ARHGAP8: variants seen among roughly 807,000 people sequenced by gnomAD.
ARHGAP8 encodes the protein rho GTPase-activating protein 8.
Under a neutral mutation model 46.1 loss-of-function variants are expected in ARHGAP8, and 62 were observed. That is an observed-to-expected ratio of 1.34 (90% CI 1.10 to 1.66). The LOEUF (loss-of-function observed/expected upper bound fraction) is 1.66, where lower values mean the gene tolerates loss of function less well. Among genes scored for constraint, ARHGAP8 ranks in the 40% most tolerant of loss-of-function variants. The pLI is 0.00. For missense variants in ARHGAP8, 923 were observed against 568.4 expected, an observed-to-expected ratio of 1.62 and a Z score of -6.34; for synonymous variants, 375 against 243.1, an observed-to-expected ratio of 1.54 and a Z score of -5.05.
In ARHGAP8 at chr22:44,830,024, C is replaced by T. The variant is rs201390859; in HGVS notation, c.596+4431C>T. Among the ~76,000 whole-genome samples the T allele has an allele frequency of 2.5e-4, 36 of 142,584 alleles. No homozygotes were observed. The South Asian group carries it at 2.9e-3, about 12-fold the overall frequency. 93.5% of individuals were successfully genotyped at this position (142,584 alleles called of 152,430 possible). A position where few individuals can be genotyped will look rare whatever the true frequency, so the allele number is the denominator to read the frequency against. On this transcript the variant is annotated intron_variant, in intron 7 of 11. Transcript: ENST00000356099. Reference sequence around the variant, plus strand: ...GCATTTTCTTTTTTTTCCTCTCTCTCTTTTTTTTTTTTTCCCTGAGATGGC... The same window carrying T: ...GCATTTTCTTTTTTTTCCTCTCTCTTTTTTTTTTTTTTTCCCTGAGATGGC...
rs2070532600 is a variant in ARHGAP8, at chr22:44,862,301, A to G, written c.1008A>G (p.Lys336=). 1 of 1,599,154 alleles carries G rather than the reference A, an allele frequency of 6.3e-7. No individual in the cohort carries two copies. The highest frequency in any genetic ancestry group is 8.6e-7 in the Non-Finnish European group (1 of 1,168,182). ...HAVSRESIFN[K]MNSSNLACVF... The stretch of plus-strand genomic sequence containing the variant: ...TGTCCCGGGAGAGCATCTTCAACAA[A>G]ATGAACAGCTCTAACCTGGCCTGTG... The change falls in exon 12 of 12, where the codon AAA becomes AAG. Residue 336 remains lysine (K), a synonymous_variant. Coordinates refer to ENST00000356099, the MANE Select transcript of ARHGAP8 (RefSeq NM_181335.3).
chr22:44,799,387 G>A (rs1261728384), intron 2 of ARHGAP8, among the ~76,000 whole-genome samples: 15 of 152,210 alleles, frequency 9.9e-5, no homozygotes, highest in Admixed American at 5.9e-4. Context: ...AGGGCATTGC[G>A]GATGCGGGGG....
chr22:44,785,132 G>A (rs1927124296), intron 1 of ARHGAP8, among the ~76,000 whole-genome samples: 1 of 152,180 alleles, frequency 6.6e-6, no homozygotes, highest in East Asian at 1.9e-4. Flanking sequence ...TGGGGTGTTG[G>A]TCTGGATGAG....
chr22:44,795,315 C>A (rs947444469), intron 2 of ARHGAP8, among the ~76,000 whole-genome samples: 2 of 152,148 alleles, frequency 1.3e-5, no homozygotes, highest in African/African-American at 4.8e-5. Context: ...ATGTGCCGTA[C>A]TCTGCCCTGG....
intron 2 of ARHGAP8, among the ~76,000 whole-genome samples, chr22:44,801,253 C>T (rs1419244096): frequency 8.5e-6 from 1 of 118,294 alleles, no homozygotes; most frequent in East Asian, 2.6e-4. Context: ...CGCCTCTCCC[C>T]GCAGCTGTCT....
intron 5 of ARHGAP8, among the ~76,000 whole-genome samples, chr22:44,821,327 G>T (rs543070880): frequency 6.6e-6 from 1 of 152,144 alleles, no homozygotes; most frequent in Non-Finnish European, 1.5e-5. Context: ...TACTTGGGAG[G>T]CTGAGGCAGG....
In ARHGAP8 at chr22:44,862,566, C is replaced by T. The variant is rs749869418; in HGVS notation, c.1273C>T (p.Pro425Ser). 6.3e-7 allele frequency: 1 copy of T among 1,592,274 alleles called. No homozygotes were observed. Among genetic ancestry groups the T allele is most frequent in the Non-Finnish European group, 8.6e-7 (1 of 1,164,232 alleles). Reference sequence around the variant, plus strand: ...CACCAAGCCTACCCTACCTCCGAGTCCCCTGATGGCAGCCAGAAGACGTCT... The same window carrying T: ...CACCAAGCCTACCCTACCTCCGAGTTCCCTGATGGCAGCCAGAAGACGTCT... ...GLTKPTLPPS[P>S]LMAARRRL Residue 425 changes from proline (P) to serine (S), a missense_variant, in exon 12 of 12, where the codon CCC becomes TCC. Pro to Ser is a moderately conservative substitution (Grantham distance 74). Coordinates refer to ENST00000356099, the MANE Select transcript of ARHGAP8 (RefSeq NM_181335.3).
At position 44,860,807 on chromosome 22, in the gene ARHGAP8, C is replaced by T. The variant is rs114186716; in HGVS notation, c.981+973C>T. Among the ~76,000 whole-genome samples the T allele has an allele frequency of 1.1e-3, 162 of 152,278 alleles. 2 individuals carry two copies. The highest frequency in any genetic ancestry group is 3.9e-3 in the African/African-American group (160 of 41,552). On this transcript the variant is annotated intron_variant, in intron 11 of 11. Coordinates refer to ENST00000356099, the MANE Select transcript of ARHGAP8 (RefSeq NM_181335.3). ...GTGGGTCCACCCCCAACCCCCAGAC[C>T]CACGGCCTTGAATGTTTAACCCCCT...
intron 1 of ARHGAP8, among the ~76,000 whole-genome samples, chr22:44,785,611 C>T (rs893029532): frequency 2.0e-5 from 3 of 152,140 alleles, no homozygotes; most frequent in African/African-American, 7.2e-5. Context: ...ATTCCGAGCT[C>T]CAGGAGGAAT....
chr22:44,853,345 T>G (rs760835968), intron 10 of ARHGAP8, among the ~76,000 whole-genome samples: 2 of 152,214 alleles, frequency 1.3e-5, no homozygotes. Context: ...TTATATCAAG[T>G]CTTCCAGCGT....
chr22:44,786,323 G>T lies in ARHGAP8; in HGVS notation c.-71-134G>T, dbSNP rs1927229223. 8 of 1,039,570 alleles carry T rather than the reference G, an allele frequency of 7.7e-6. No individual in the cohort carries two copies. In the Middle Eastern group the frequency reaches 1.3e-3, roughly 173 times the overall value. 64.4% of individuals were successfully genotyped at this position (1,039,570 alleles called of 1,614,324 possible). ...GGCTGAGGCAGGGCGCGTAGTGGGT[G>T]CACGGCTGAGGTAGGGCGCGTAGTG... is the stretch of plus-strand genomic sequence containing the variant. On this transcript the variant is annotated intron_variant, in intron 1 of 11. Coordinates refer to ENST00000356099, the MANE Select transcript of ARHGAP8 (RefSeq NM_181335.3).
At chr22:44,816,915 C>A (rs1313467117) in intron 5 of ARHGAP8, among the ~76,000 whole-genome samples, 1 of 129,810 alleles carries the variant, frequency 7.7e-6, no homozygotes, top group Admixed American at 8.4e-5. Context: ...GACGAAGTCT[C>A]GCTTTTGTCC....
intron 1 of ARHGAP8, among the ~76,000 whole-genome samples, chr22:44,757,638 G>A (rs1201718017): frequency 6.6e-6 from 1 of 151,678 alleles, no homozygotes; most frequent in African/African-American, 2.4e-5. Context: ...GAGTGTTTTT[G>A]TTGTTTTGTT....
intron 3 of ARHGAP8, among the ~76,000 whole-genome samples, chr22:44,806,189 CTG>C (rs1257394020): frequency 1.3e-5 from 2 of 152,170 alleles, no homozygotes; most frequent in African/African-American, 4.8e-5. Flanking sequence ...TTCCACCCCT[CTG>C]TGTTCAGGTG....
chr22:44,815,098 G>A (rs1929641633), intron 5 of ARHGAP8, among the ~76,000 whole-genome samples: 1 of 152,208 alleles, frequency 6.6e-6, no homozygotes, highest in South Asian at 2.1e-4. Context: ...CACTGTTGTG[G>A]TCTGTTACAG....
intron 7 of ARHGAP8, among the ~76,000 whole-genome samples, chr22:44,832,280 G>A (rs1198991106): frequency 3.4e-5 from 5 of 145,886 alleles, no homozygotes; most frequent in African/African-American, 1.0e-4. Flanking sequence ...AGGCTGGAGT[G>A]CAGTGGTGCA....
chr22:44,811,253 A>G (rs1261945362), intron 4 of ARHGAP8, among the ~76,000 whole-genome samples: 1 of 152,208 alleles, frequency 6.6e-6, no homozygotes, highest in Admixed American at 6.5e-5. Context: ...CTAGCCGGGG[A>G]GTTGGAATCT....
At position 44,808,406 on chromosome 22, in the gene ARHGAP8, G is replaced by C. The variant is rs1230253319; in HGVS notation, c.267G>C (p.Trp89Cys). ...GCCGGAACAAGCCTTCCCTGGGCTG[G>C]CTCCAGAGCGCATACAAGGAGTTCG... ...LNSRNKPSLG[W>C]LQSAYKEFDR... Residue 89 changes from tryptophan to cysteine, a missense_variant, in exon 4 of 12, where the codon TGG becomes TGC. Coordinates refer to ENST00000356099, the MANE Select transcript of ARHGAP8 (RefSeq NM_181335.3). 4 of 1,614,204 alleles carry C rather than the reference G, an allele frequency of 2.5e-6. No homozygotes were observed. Among genetic ancestry groups the C allele is most frequent in the Non-Finnish European group, 3.4e-6 (4 of 1,180,044 alleles).
At position 44,802,109 on chromosome 22, in the gene ARHGAP8, T is replaced by A; in HGVS notation, c.112T>A (p.Phe38Ile). ...CCGCTTTGGAAGACGTGTTGTCACG[T>A]TCAGCTGCTGCCGGATGCCACCCTC... ...DDRFGRRVVT[F>I]SCCRMPPSHE... Residue 38 changes from phenylalanine to isoleucine, a missense_variant, in exon 3 of 12, where the codon TTC (phenylalanine) becomes ATC (isoleucine). Physicochemically the swap from Phe to Ile is conservative, Grantham distance 21. Transcript: ENST00000356099. 1.2e-6 allele frequency: 2 copies of A among 1,614,142 alleles called. No individual in the cohort carries two copies. Among genetic ancestry groups the A allele is most frequent in the Non-Finnish European group, 1.7e-6 (2 of 1,179,982 alleles).
Sources: gnomAD v4.1 joint callset for allele counts (sites outside exome capture counted in the v4.1 genomes callset) on GRCh38, gnomAD v4.1.1 for gene constraint, MANE v1.5 for transcripts, NCBI Gene and HGNC (gene_info 2026-07-23, HGNC 2026-07-21) for gene names.